CAMK4: variants seen among roughly 807,000 people sequenced by gnomAD.
CAMK4 encodes the protein calcium/calmodulin-dependent protein kinase type IV.
Under a neutral mutation model 44.9 loss-of-function variants are expected in CAMK4, and 22 were observed. That is an observed-to-expected ratio of 0.49 (90% CI 0.35 to 0.70). The LOEUF (loss-of-function observed/expected upper bound fraction) is 0.70. CAMK4 is among the 30% of genes least tolerant of loss of function. CAMK4 has a pLI of 0.01. For missense variants in CAMK4, 498 were observed against 586.8 expected, an observed-to-expected ratio of 0.85 and a Z score of 1.56; for synonymous variants, 218 against 215.4, an observed-to-expected ratio of 1.01 and a Z score of -0.11.
intron 5 of CAMK4, among the ~76,000 whole-genome samples, chr5:111,412,552 CT>C (rs1426572483): frequency 1.3e-5 from 2 of 152,230 alleles, no homozygotes; most frequent in African/African-American, 4.8e-5. Flanking sequence ...GAGCAAGTGT[CT>C]ACAGGGAAGA....
chr5:111,272,177 G>A (rs1190411994), intron 1 of CAMK4, among the ~76,000 whole-genome samples: 3 of 151,876 alleles, frequency 2.0e-5, no homozygotes, highest in Non-Finnish European at 4.4e-5. Flanking sequence ...TGCCATGAAG[G>A]TCAGAGAGGT....
At chr5:111,239,764 T>G (rs1748904182) in intron 1 of CAMK4, among the ~76,000 whole-genome samples, 1 of 152,254 alleles carries the variant, frequency 6.6e-6, no homozygotes, top group South Asian at 2.1e-4. Flanking sequence ...AATAGCTGTC[T>G]GTAAAGGTGG....
At chr5:111,410,144 G>A (rs745743024) in intron 5 of CAMK4, among the ~76,000 whole-genome samples, 5 of 152,114 alleles carry the variant, frequency 3.3e-5, no homozygotes, top group African/African-American at 4.8e-5. Flanking sequence ...TACTGTATTA[G>A]TCTGTTCTCA....
chr5:111,378,877 A>C (rs1052245460), intron 4 of CAMK4, among the ~76,000 whole-genome samples: 1 of 149,614 alleles, frequency 6.7e-6, no homozygotes, highest in Non-Finnish European at 1.5e-5. Context: ...GCTCTAATCC[A>C]CTATGAAGAT....
At chr5:111,339,308 C>T (rs547915961) in intron 1 of CAMK4, among the ~76,000 whole-genome samples, 29 of 151,222 alleles carry the variant, frequency 1.9e-4, no homozygotes, top group African/African-American at 4.8e-4. Flanking sequence ...TTTCCCAGAC[C>T]GGTGTTATAG....
In CAMK4 at chr5:111,488,769, A is replaced by C. The variant is rs996172476; in HGVS notation, c.*4303A>C. 1.3e-5 allele frequency: 2 copies of C among 152,236 alleles called. No individual in the cohort carries two copies. Among genetic ancestry groups the C allele is most frequent in the African/African-American group, 4.8e-5 (2 of 41,468 alleles). 9.4% of individuals were successfully genotyped at this position (152,236 alleles called of 1,614,324 possible). On this transcript the variant is annotated 3_prime_UTR_variant, in exon 11 of 11. Transcript: ENST00000282356. ...AAAAAGGTCAACAAAGTGAATCAGC[A>C]CTAGCATTTTCTTGATGGTTGACTC...
intron 1 of CAMK4, among the ~76,000 whole-genome samples, chr5:111,275,303 G>C (rs1171859695): frequency 1.3e-5 from 2 of 151,936 alleles, no homozygotes; most frequent in African/African-American, 4.8e-5. Context: ...AACAAGACCA[G>C]AATCTTAGAA....
chr5:111,242,534 A>G (rs1749050333), intron 1 of CAMK4, among the ~76,000 whole-genome samples: 1 of 151,968 alleles, frequency 6.6e-6, no homozygotes, highest in African/African-American at 2.4e-5. Context: ...CTTGTCTCTA[A>G]TCTTATTGCA....
chr5:111,348,442 A>G (rs1749955534), intron 2 of CAMK4, among the ~76,000 whole-genome samples: 2 of 152,056 alleles, frequency 1.3e-5, no homozygotes, highest in Admixed American at 1.3e-4. Flanking sequence ...TACTATGGAT[A>G]GTAAAATATC....
rs116308972 is a variant in CAMK4 at position 111,411,176 on chromosome 5, T to C, written c.459+16394T>C. 1.6e-3 allele frequency among the ~76,000 whole-genome samples: 241 copies of C among 152,310 alleles called. 1 individual carries two copies. Among genetic ancestry groups the C allele is most frequent in the African/African-American group, 5.5e-3 (228 of 41,570 alleles). The stretch of plus-strand genomic sequence containing the variant: ...CAAGCAGGAGGAGACTTGTGTGTTC[T>C]CACTCACACCTACTGAGATCCTTTA... On this transcript the variant is annotated intron_variant, in intron 5 of 10. Transcript: ENST00000282356.
At chr5:111,462,589 A>G (rs1002291032) in intron 7 of CAMK4, among the ~76,000 whole-genome samples, 1 of 152,226 alleles carries the variant, frequency 6.6e-6, no homozygotes, top group African/African-American at 2.4e-5. Flanking sequence ...AGCTCTTCTG[A>G]TGAAGAATGC....
At chr5:111,338,311 T>A (rs1316645854) in intron 1 of CAMK4, among the ~76,000 whole-genome samples, 1 of 151,144 alleles carries the variant, frequency 6.6e-6, no homozygotes, top group African/African-American at 2.4e-5. Flanking sequence ...TATTAAGAGC[T>A]CTTGCATTTG....
At chr5:111,450,740 A>T (rs954301735) in intron 7 of CAMK4, among the ~76,000 whole-genome samples, 12 of 151,220 alleles carry the variant, frequency 7.9e-5, no homozygotes, top group African/African-American at 2.9e-4. Context: ...GTGAAGCAAG[A>T]TTGCACCATT....
intron 2 of CAMK4, among the ~76,000 whole-genome samples, chr5:111,354,786 G>C (rs1750264845): frequency 6.6e-6 from 1 of 151,844 alleles, no homozygotes. Flanking sequence ...ACACCTTAGT[G>C]AGTAGGAACC....
upstream of CAMK4, chr5:111,223,753 C>T (rs888229525): frequency 6.6e-6 from 1 of 152,578 alleles, no homozygotes; most frequent in Admixed American, 6.5e-5. This position sits in a 1 kb window ranked among gnomAD's most constrained non-coding sequence, Gnocchi z 4.3. Context: ...TCCTCCAGCT[C>T]TCACTGGGTC....
intron 1 of CAMK4, among the ~76,000 whole-genome samples, chr5:111,244,285 G>A (rs946494126): frequency 2.0e-5 from 3 of 151,596 alleles, no homozygotes; most frequent in Admixed American, 2.0e-4. Context: ...TTTTTGCAGA[G>A]GATATGTCTT....
chr5:111,358,388 T>C (rs1750455949), intron 2 of CAMK4, among the ~76,000 whole-genome samples: 1 of 152,014 alleles, frequency 6.6e-6, no homozygotes, highest in Non-Finnish European at 1.5e-5. Context: ...CAGATTCCAA[T>C]TTCCTTCCTA....
rs1749883831 is a variant in CAMK4 at position 111,346,682 on chromosome 5, G to A, written c.240+2580G>A. Among the ~76,000 whole-genome samples the A allele has an allele frequency of 3.9e-5, 6 of 152,040 alleles. 1 individual carries two copies. In the South Asian group the frequency reaches 1.2e-3, roughly 32 times the overall value. Reference sequence around the variant, plus strand: ...GGTTGGTTCCATCTTAGGGCTCTGAGAGAAGATCTTTTCCATGCCTCTCTC... The same window carrying A: ...GGTTGGTTCCATCTTAGGGCTCTGAAAGAAGATCTTTTCCATGCCTCTCTC... On this transcript the variant is annotated intron_variant, in intron 2 of 10. Transcript: ENST00000282356.
At chr5:111,234,973 T>G (rs922513569) in intron 1 of CAMK4, among the ~76,000 whole-genome samples, 1 of 152,222 alleles carries the variant, frequency 6.6e-6, no homozygotes, top group Non-Finnish European at 1.5e-5. Flanking sequence ...AGATCTATAA[T>G]TGTGCTCACA....
Sources: allele counts gnomAD v4.1 joint callset (sites outside exome capture counted in the v4.1 genomes callset), GRCh38; gene constraint gnomAD v4.1.1; non-coding constraint Gnocchi (gnomAD v3.1); transcripts MANE v1.5; gene names NCBI Gene and HGNC (gene_info 2026-07-23, HGNC 2026-07-21).